Variants in SORCS2 observed in about 807,000 individuals in gnomAD.
SORCS2 encodes the protein sortilin related VPS10 domain containing receptor 2, also known as VPS10 domain-containing receptor SorCS2.
SORCS2 carries 100 observed loss-of-function variants against 141.6 expected under a neutral mutation model. That is an observed-to-expected ratio of 0.71 (90% confidence interval 0.60 to 0.83). The LOEUF is 0.83. Ranked by LOEUF, SORCS2 falls within the 40% of genes least tolerant of loss-of-function variation. The pLI, the probability that SORCS2 is intolerant of heterozygous loss-of-function variation, is 0.00. For missense variants in SORCS2, 1,646 were observed against 1,560.2 expected, an observed-to-expected ratio of 1.05 and a Z score of -0.93; for synonymous variants, 789 against 676.9, an observed-to-expected ratio of 1.17 and a Z score of -2.57.
chr4:7,639,698 T>G (rs1288282946), intron 4 of SORCS2, among the ~76,000 whole-genome samples: 2 of 140,088 alleles, frequency 1.4e-5, no homozygotes. Flanking sequence ...TGGGTGTCTG[T>G]GTGTGAATGT....
chr4:7,621,309 T>A (rs1278752059), intron 3 of SORCS2, among the ~76,000 whole-genome samples: 4 of 152,182 alleles, frequency 2.6e-5, no homozygotes, highest in Admixed American at 2.6e-4. Context: ...CAAATGTGTG[T>A]GTCTGTGTAT....
chr4:7,694,462 G>C (rs1341452431), intron 11 of SORCS2, among the ~76,000 whole-genome samples: 1 of 151,518 alleles, frequency 6.6e-6, no homozygotes, highest in Non-Finnish European at 1.5e-5. Context: ...TGACAGCTTT[G>C]GTAGACAGAG....
intron 3 of SORCS2, among the ~76,000 whole-genome samples, chr4:7,537,600 G>A (rs1476440911): frequency 2.0e-5 from 3 of 152,190 alleles, no homozygotes; most frequent in Non-Finnish European, 4.4e-5. Context: ...GTCCCTTGCT[G>A]GGCACTGGGG....
chr4:7,573,758 A>G (rs1715548037), intron 3 of SORCS2, among the ~76,000 whole-genome samples: 2 of 152,372 alleles, frequency 1.3e-5, no homozygotes. Context: ...GCCAGAGGCC[A>G]GAGCCCCTGC....
At chr4:7,340,425 C>T (rs1720302435) in intron 1 of SORCS2, among the ~76,000 whole-genome samples, 1 of 152,238 alleles carries the variant, frequency 6.6e-6, no homozygotes, top group Non-Finnish European at 1.5e-5. Flanking sequence ...GGCAGAGCCT[C>T]TGCGTGTCCT....
intron 3 of SORCS2, among the ~76,000 whole-genome samples, chr4:7,587,560 C>T (rs1046533094): frequency 6.6e-6 from 1 of 152,220 alleles, no homozygotes; most frequent in African/African-American, 2.4e-5. Flanking sequence ...CCAAGGCAGG[C>T]CCAGGGTCTG....
intron 1 of SORCS2, among the ~76,000 whole-genome samples, chr4:7,204,684 G>C (rs3796907): frequency 0.11 from 16,380 of 152,246 alleles, 1,034 homozygotes; most frequent in East Asian, 0.33. Context: ...TGCCTAGAAG[G>C]GACACGGTGG....
chr4:7,620,407 G>A (rs1386934354), intron 3 of SORCS2, among the ~76,000 whole-genome samples: 1 of 152,186 alleles, frequency 6.6e-6, no homozygotes, highest in African/African-American at 2.4e-5. Flanking sequence ...CCCACGCTGT[G>A]GAGTCCCACC....
intron 1 of SORCS2, among the ~76,000 whole-genome samples, chr4:7,206,561 T>C (rs1383778703): frequency 6.6e-6 from 1 of 152,102 alleles, no homozygotes; most frequent in Non-Finnish European, 1.5e-5. Flanking sequence ...ATGGCACATA[T>C]CTGCAGAGAA....
chr4:7,453,252 C>CTG (rs1162958768), intron 2 of SORCS2, among the ~76,000 whole-genome samples: 2 of 114,078 alleles, frequency 1.8e-5, no homozygotes, highest in African/African-American at 3.6e-5. Context: ...GGGTCAGGTG[C>CTG]TGTGTTGGGG....
Position 7,472,334 on chromosome 4 carries a change from C to T in SORCS2, c.549-59196C>T, listed in dbSNP as rs376823536. On this transcript the variant is annotated intron_variant, in intron 2 of 26. Transcript: ENST00000507866. ...CTTCTAGGAGGAGGCAACAGCTGAG[C>T]GGGAGTTTACTGAGTGGGAAAGGGC... Among the ~76,000 whole-genome samples the T allele has an allele frequency of 3.3e-5, 5 of 152,182 alleles. No homozygotes were observed. In the South Asian group the frequency reaches 6.2e-4, roughly 19 times the overall value.
intron 2 of SORCS2, chr4:7,433,058 C>G (rs562816477): frequency 9.1e-6 from 3 of 330,466 alleles, no homozygotes; most frequent in East Asian, 9.4e-5. Context: ...GATGAGAGGG[C>G]AGCCTTGGCT....
At chr4:7,675,137 G>C (rs1029844528) in intron 8 of SORCS2, among the ~76,000 whole-genome samples, 7 of 152,346 alleles carry the variant, frequency 4.6e-5, no homozygotes, top group Admixed American at 3.3e-4. Flanking sequence ...AAGAAAACAA[G>C]AAACTGAGGT....
chr4:7,256,790 T>A (rs2108814310), intron 1 of SORCS2, among the ~76,000 whole-genome samples: 1 of 116,350 alleles, frequency 8.6e-6, no homozygotes, highest in African/African-American at 3.3e-5. Context: ...TGAGCAGACA[T>A]GCTGGGGGCA....
At chr4:7,561,816 C>A (rs2109676086) in intron 3 of SORCS2, among the ~76,000 whole-genome samples, 1 of 149,710 alleles carries the variant, frequency 6.7e-6, no homozygotes. Flanking sequence ...TCTATACATC[C>A]ATTCATCTGC....
At chr4:7,553,071 A>G (rs924752182) in intron 3 of SORCS2, among the ~76,000 whole-genome samples, 1 of 152,110 alleles carries the variant, frequency 6.6e-6, no homozygotes, top group Admixed American at 6.6e-5. Flanking sequence ...ACACTGCAGG[A>G]AAGAGTCAGT....
At chr4:7,360,426 C>T (rs1721511570) in intron 1 of SORCS2, among the ~76,000 whole-genome samples, 1 of 151,986 alleles carries the variant, frequency 6.6e-6, no homozygotes, top group Non-Finnish European at 1.5e-5. Context: ...CCTCCCATGA[C>T]CGGAGCTTAG....
Position 7,218,301 on chromosome 4 carries a change from T to G in SORCS2, c.480+25175T>G, listed in dbSNP as rs534125415. Among the ~76,000 whole-genome samples the G allele has an allele frequency of 3.9e-4, 59 of 152,312 alleles. 1 individual carries two copies. The South Asian group carries it at 6.2e-3, about 16-fold the overall frequency. On this transcript the variant is annotated intron_variant, in intron 1 of 26. Transcript: ENST00000507866. ...GCTGCGTAAATGGATTCTAATCGCC[T>G]TCTTCTCCTCGATCACTTCAAGAAT...
chr4:7,571,535 C>T (rs1256106167), intron 3 of SORCS2, among the ~76,000 whole-genome samples: 1 of 152,100 alleles, frequency 6.6e-6, no homozygotes, highest in Non-Finnish European at 1.5e-5. Flanking sequence ...CCTGGGCAGT[C>T]CCGTGGGACT....
Sources: allele counts gnomAD v4.1 joint callset (sites outside exome capture counted in the v4.1 genomes callset), GRCh38; gene constraint gnomAD v4.1.1; transcripts MANE v1.5; gene names NCBI Gene and HGNC (gene_info 2026-07-23, HGNC 2026-07-21).